Variants in AFG2A observed in about 807,000 individuals in gnomAD.
AFG2A encodes the protein ATPase family gene 2 protein homolog A.
chr4:123,105,812 C>G, the AFG2A span, among the ~76,000 whole-genome samples: 112,190 of 152,150 alleles, frequency 0.74, 41,915 homozygotes, highest in East Asian at 0.97. Flanking sequence ...GGAGTTATTT[C>G]TTATGGCTGA....
the AFG2A span, among the ~76,000 whole-genome samples, chr4:123,072,965 A>G: frequency 2.6e-5 from 4 of 152,216 alleles, no homozygotes; most frequent in South Asian, 8.3e-4. Flanking sequence ...GTACAATGTG[A>G]TGTTTTGCTA....
chr4:123,097,268 C>T, the AFG2A span, among the ~76,000 whole-genome samples: 208 of 151,966 alleles, frequency 1.4e-3, 2 homozygotes, highest in African/African-American at 4.8e-3. Context: ...AAAATACCCT[C>T]AGAAGAAAGG....
chr4:123,284,087 T>C, the AFG2A span, among the ~76,000 whole-genome samples: 1 of 152,214 alleles, frequency 6.6e-6, no homozygotes, highest in South Asian at 2.1e-4. Context: ...TCCTTTGTCA[T>C]TTCTCTCCTC....
At chr4:123,042,220 A>C in the AFG2A span, among the ~76,000 whole-genome samples, 1 of 152,168 alleles carries the variant, frequency 6.6e-6, no homozygotes, top group Non-Finnish European at 1.5e-5. Flanking sequence ...TATTTCTCAC[A>C]ATCCTGGAGG....
At chr4:123,117,492 A>G in the AFG2A span, among the ~76,000 whole-genome samples, 1 of 149,834 alleles carries the variant, frequency 6.7e-6, no homozygotes, top group African/African-American at 2.5e-5. Context: ...CATACGAGAT[A>G]GAGCATATAA....
chr4:123,287,192 G>C, the AFG2A span, among the ~76,000 whole-genome samples: 1 of 152,206 alleles, frequency 6.6e-6, no homozygotes, highest in African/African-American at 2.4e-5. Flanking sequence ...ATATAAACTA[G>C]TATCACAGCT....
At chr4:123,290,188 A>C in the AFG2A span, among the ~76,000 whole-genome samples, 1 of 152,130 alleles carries the variant, frequency 6.6e-6, no homozygotes, top group African/African-American at 2.4e-5. Flanking sequence ...GCTGTGCAGA[A>C]GTGTTTTAGT....
At chr4:123,258,358 CG>C in the AFG2A span, among the ~76,000 whole-genome samples, 1 of 152,106 alleles carries the variant, frequency 6.6e-6, no homozygotes, top group Non-Finnish European at 1.5e-5. Context: ...ATTTAGGAGA[CG>C]TTAAGTAATG....
At chr4:123,008,242 A>G in the AFG2A span, among the ~76,000 whole-genome samples, 5 of 152,180 alleles carry the variant, frequency 3.3e-5, no homozygotes, top group Non-Finnish European at 7.3e-5. Flanking sequence ...GAGCAGCAAG[A>G]GAGAGATGCC....
chr4:123,182,420 A>G, the AFG2A span, among the ~76,000 whole-genome samples: 1 of 152,152 alleles, frequency 6.6e-6, no homozygotes, highest in Non-Finnish European at 1.5e-5. Flanking sequence ...TAACTAACCC[A>G]ATGGTATCAA....
the AFG2A span, among the ~76,000 whole-genome samples, chr4:123,268,594 G>T: frequency 2.6e-5 from 4 of 152,176 alleles, no homozygotes; most frequent in African/African-American, 9.6e-5. Context: ...GAAGCTGTAC[G>T]ACAGGAGAGC....
chr4:123,148,516 A>G, the AFG2A span, among the ~76,000 whole-genome samples: 6 of 152,276 alleles, frequency 3.9e-5, no homozygotes, highest in South Asian at 2.1e-4. Flanking sequence ...TGCCTTTACT[A>G]TATTTTAATA....
At chr4:122,952,882 C>T in the AFG2A span, among the ~76,000 whole-genome samples, 6 of 152,256 alleles carry the variant, frequency 3.9e-5, no homozygotes, top group African/African-American at 1.4e-4. Flanking sequence ...GTGCCTCTCC[C>T]GCCCTCTTTA....
the AFG2A span, among the ~76,000 whole-genome samples, chr4:123,112,922 A>G: frequency 1.3e-5 from 2 of 152,328 alleles, no homozygotes; most frequent in South Asian, 2.1e-4. Context: ...TAGATTTTAA[A>G]GGCTTATACT....
the AFG2A span, among the ~76,000 whole-genome samples, chr4:123,129,868 C>G: frequency 3.3e-5 from 5 of 151,854 alleles, no homozygotes; most frequent in East Asian, 5.8e-4. Flanking sequence ...AAATTTTGTT[C>G]TAAATTATAT....
At chr4:123,084,418 C>T in the AFG2A span, among the ~76,000 whole-genome samples, 1 of 151,826 alleles carries the variant, frequency 6.6e-6, no homozygotes, top group Non-Finnish European at 1.5e-5. Flanking sequence ...CTAATATATA[C>T]TCTCAATACT....
chr4:123,227,957 A>G, the AFG2A span, among the ~76,000 whole-genome samples: 2 of 152,056 alleles, frequency 1.3e-5, no homozygotes, highest in Non-Finnish European at 2.9e-5. Flanking sequence ...TCCCTTTACC[A>G]TTATGTAATG....
chr4:123,278,973 C>T, the AFG2A span, among the ~76,000 whole-genome samples: 2 of 152,002 alleles, frequency 1.3e-5, no homozygotes, highest in African/African-American at 4.8e-5. Context: ...AATTTTAAAC[C>T]TTAATCTGTA....
the AFG2A span, among the ~76,000 whole-genome samples, chr4:122,972,681 T>C: frequency 6.6e-6 from 1 of 151,996 alleles, no homozygotes; most frequent in Non-Finnish European, 1.5e-5. Context: ...TTTTGAGCCA[T>C]GAGTTATTTA....
Sources: allele counts gnomAD v4.1 joint callset (sites outside exome capture counted in the v4.1 genomes callset), GRCh38; gene constraint gnomAD v4.1.1; transcripts MANE v1.5; gene names NCBI Gene and HGNC (gene_info 2026-07-23, HGNC 2026-07-21).